Variants in TEDC1 observed in about 807,000 individuals in gnomAD.
TEDC1 encodes the protein tubulin epsilon and delta complex protein 1.
TEDC1 carries 54 observed loss-of-function variants against 59.9 expected under a neutral mutation model. The ratio of observed to expected loss-of-function variants is 0.90; its 90% CI spans 0.72 to 1.13. TEDC1 has a LOEUF of 1.13. TEDC1 is among the 50% of genes most tolerant of loss of function. The probability of loss-of-function intolerance (pLI) is 0.00; values close to 1 mark genes in which losing one functional copy is unlikely to be tolerated. For missense variants in TEDC1, 734 were observed against 683.4 expected, an observed-to-expected ratio of 1.07 and a Z score of -0.83; for synonymous variants, 353 against 298.1, an observed-to-expected ratio of 1.18 and a Z score of -1.90.
chr14:105,492,433 C>G, intron 3 of TEDC1, 124 bp downstream of exon 3: 2 of 1,480,234 alleles, frequency 1.4e-6, no homozygotes, highest in South Asian at 2.6e-5. Context: ...TGAAGGGTTA[C>G]CCAGCTGCCC....
intron 6 of TEDC1, 199 bp from the exon 7 acceptor site, chr14:105,497,158 C>T (rs1464895631): frequency 9.3e-6 from 6 of 646,186 alleles, no homozygotes; most frequent in Admixed American, 2.8e-5. Context: ...GACAGGTGGG[C>T]TGTGGCGTCC....
In TEDC1 at chr14:105,499,184, G is replaced by C. The variant is rs2084415857; in HGVS notation, c.*238G>C. Reference sequence around the variant, plus strand: ...AGGAGGTCGTGACAGGCTCAGCCTGGTGGTCTGGAGGGGACTCGGAAATAA... The same window carrying C: ...AGGAGGTCGTGACAGGCTCAGCCTGCTGGTCTGGAGGGGACTCGGAAATAA... On this transcript the variant is annotated 3_prime_UTR_variant, in exon 9 of 9. Coordinates refer to ENST00000392523, the MANE Select transcript of TEDC1 (RefSeq NM_001367178.1). The C allele has an allele frequency of 3.5e-6, 2 of 579,136 alleles. No individual in the cohort carries two copies. The highest frequency in any genetic ancestry group is 6.1e-6 in the Non-Finnish European group (2 of 327,342). The allele number at this position is 579,136 out of a possible 1,614,324, so 35.9% of individuals were successfully genotyped here.
In TEDC1 at chr14:105,497,778, T is replaced by C. The variant is rs782662004; in HGVS notation, c.979-20T>C. On this transcript the variant is annotated intron_variant, in intron 7 of 8. Coordinates refer to ENST00000392523, the MANE Select transcript of TEDC1 (RefSeq NM_001367178.1). The stretch of plus-strand genomic sequence containing the variant: ...TGTCCCCTTGGCTTGGTGCACGCTG[T>C]CTCACTTGGGTCTCTGTAGGACACG... 8 of 1,520,464 alleles carry C rather than the reference T, an allele frequency of 5.3e-6. No homozygotes were observed. Among genetic ancestry groups the C allele is most frequent in the Non-Finnish European group, 7.1e-6 (8 of 1,129,392 alleles). The allele number at this position is 1,520,464 out of a possible 1,614,324, so 94.2% of individuals were successfully genotyped here.
chr14:105,497,123 G>T, intron 6 of TEDC1: 1 of 596,132 alleles, frequency 1.7e-6, no homozygotes, highest in Non-Finnish European at 3.0e-6. Flanking sequence ...TGCACTGGTT[G>T]GGGGCTGCCC....
rs1595469021 is a variant in TEDC1, at chr14:105,491,578, A to T, written c.148-44A>T. The T allele has an allele frequency of 2.6e-6, 4 of 1,543,726 alleles. No individual in the cohort carries two copies. In the East Asian group the frequency reaches 7.4e-5, roughly 29 times the overall value. On this transcript the variant is annotated intron_variant, in intron 1 of 8. Coordinates refer to ENST00000392523, the MANE Select transcript of TEDC1 (RefSeq NM_001367178.1). ...GGTGGGGTCCCGGGCCCTCGCAGGGAGTTGGGCCGGCTCCGCTGACCGCCC... is the reference window on the plus strand; with the variant it reads ...GGTGGGGTCCCGGGCCCTCGCAGGGTGTTGGGCCGGCTCCGCTGACCGCCC...
intron 5 of TEDC1, chr14:105,494,178 C>G (rs1437076566): frequency 5.3e-6 from 3 of 566,434 alleles, no homozygotes; most frequent in Non-Finnish European, 9.5e-6. Flanking sequence ...GGTGGGGGCC[C>G]AGGACGCAGG....
rs1221935544 is a variant in TEDC1 at position 105,498,748 on chromosome 14, A to G, written c.1290A>G (p.Pro430=). The change falls in exon 9 of 9, where the codon CCA becomes CCG. Residue 430 remains proline, a synonymous_variant. Transcript: ENST00000392523. The part of the protein sequence containing the change: ...RDGGPAQPHG[P]HRLVRREDGA... ...GTGGCCCGGCCCAGCCCCATGGGCC[A>G]CACCGGCTGGTGAGACGAGAGGATG... 1.9e-6 allele frequency: 3 copies of G among 1,559,474 alleles called. No individual in the cohort carries two copies. The highest frequency in any genetic ancestry group is 2.4e-5 in the East Asian group (1 of 41,896).
In TEDC1 at chr14:105,499,215, A is replaced by G. The variant is rs1442636072; in HGVS notation, c.*269A>G. On this transcript the variant is annotated 3_prime_UTR_variant, in exon 9 of 9. Coordinates refer to ENST00000392523, the MANE Select transcript of TEDC1 (RefSeq NM_001367178.1). ...TGGAGGGGACTCGGAAATAAATTGT[A>G]GCAGCTTTCCTGCCGCTGGCCCTCC... 5 of 545,308 alleles carry G rather than the reference A, an allele frequency of 9.2e-6. No homozygotes were observed. Among genetic ancestry groups the G allele is most frequent in the African/African-American group, 3.8e-5 (2 of 52,660 alleles). The allele number at this position is 545,308 out of a possible 1,614,324, so 33.8% of individuals were successfully genotyped here. A position where few individuals can be genotyped will look rare whatever the true frequency, so the allele number is the denominator to read the frequency against.
Position 105,495,899 on chromosome 14 carries a change from C to T in TEDC1, c.704C>T (p.Ala235Val). 1.3e-6 allele frequency: 2 copies of T among 1,550,132 alleles called. No homozygotes were observed. Among genetic ancestry groups the T allele is most frequent in the Non-Finnish European group, 1.7e-6 (2 of 1,146,856 alleles). Residue 235 changes from alanine to valine, a missense_variant, in exon 6 of 9, where the codon GCC (alanine) becomes GTC (valine). Transcript: ENST00000392523. Reference sequence around the variant, plus strand: ...TCCAAGGTTTCTGGAGCGGGAGCTGCCCAAAACCTGGACCTGGCCTACCCA... The same window carrying T: ...TCCAAGGTTTCTGGAGCGGGAGCTGTCCAAAACCTGGACCTGGCCTACCCA... ...GGQQVSGAGAAQNLDLAYPKC... is the reference protein window; with the variant it reads ...GGQQVSGAGAVQNLDLAYPKC...
intron 6 of TEDC1, 60 bp downstream of exon 6, chr14:105,496,146 G>GTGGGGGGGGGGGGGGGGGGCCCCCCCC: frequency 3.0e-6 from 1 of 331,608 alleles, no homozygotes; most frequent in Non-Finnish European, 5.9e-6. Context: ...GGGTGGGAGG[G>GTGGGGGGGGGGGGGGGGGGCCCCCCCC]GGTGGCGAGG....
chr14:105,498,969 G>A lies in TEDC1; in HGVS notation c.*23G>A, dbSNP rs1555441184. The A allele has an allele frequency of 2.5e-6, 4 of 1,577,628 alleles. No individual in the cohort carries two copies. Among genetic ancestry groups the A allele is most frequent in the South Asian group, 1.2e-5 (1 of 86,208 alleles). ...TGAGGGCCTGTCGACGGGCCCTCGT[G>A]TGGGAAGCCTGCCCTGGCCCAGCCT... On this transcript the variant is annotated 3_prime_UTR_variant, in exon 9 of 9. Coordinates refer to ENST00000392523, the MANE Select transcript of TEDC1 (RefSeq NM_001367178.1).
At chr14:105,490,749 C>T (rs927589465), upstream of TEDC1, 50 of 462,062 alleles carry the variant, frequency 1.1e-4, no homozygotes, top group African/African-American at 1.0e-3. Context: ...CTCTGGGCGC[C>T]TCCTGGCGGC....
At chr14:105,493,091 G>A (rs1555439828) in intron 4 of TEDC1, among the ~76,000 whole-genome samples, 1 of 152,178 alleles carries the variant, frequency 6.6e-6, no homozygotes. Context: ...GGGGGAGGAA[G>A]ACAGCTCCTG....
At chr14:105,493,693 G>A in intron 4 of TEDC1, 142 bp from the exon 5 acceptor site, 1 of 646,594 alleles carries the variant, frequency 1.5e-6, no homozygotes, top group South Asian at 1.8e-5. Flanking sequence ...CCAACCTCAG[G>A]CAAGGAGTGG....
In TEDC1 at chr14:105,499,041, A is replaced by G. The variant is rs2084412548; in HGVS notation, c.*95A>G. On this transcript the variant is annotated 3_prime_UTR_variant, in exon 9 of 9. Transcript: ENST00000392523. ...ATTCCAAGGCCAGGTGGCCGCAGGG[A>G]CGATGCAGATGCAGAGCCCACGTCA... is the stretch of plus-strand genomic sequence containing the variant. 5 of 1,335,056 alleles carry G rather than the reference A, an allele frequency of 3.7e-6. No homozygotes were observed. In the South Asian group the frequency reaches 5.8e-5, roughly 16 times the overall value. The allele number at this position is 1,335,056 out of a possible 1,614,324, so 82.7% of individuals were successfully genotyped here.
In TEDC1 at chr14:105,492,317, T is replaced by C. The variant is rs782701617; in HGVS notation, c.429+8T>C. The C allele has an allele frequency of 3.7e-6, 6 of 1,600,412 alleles. No individual in the cohort carries two copies. Among genetic ancestry groups the C allele is most frequent in the Middle Eastern group, 2.1e-4 (1 of 4,666 alleles). ...GAGATGACTGTGTGCCAGGTGCGTG[T>C]GGGTGAGGGTGAGCTGAGCCAGCCC... On this transcript the variant is annotated splice_region_variant and intron_variant, in intron 3 of 8. Coordinates refer to ENST00000392523, the MANE Select transcript of TEDC1 (RefSeq NM_001367178.1).
intron 8 of TEDC1, 23 bp from the exon 9 acceptor site, chr14:105,498,594 C>T: frequency 6.6e-7 from 1 of 1,514,340 alleles, no homozygotes. Flanking sequence ...GGGACAGAGC[C>T]ATTGCCATTG....
chr14:105,491,800 G>A, intron 2 of TEDC1, 100 bp downstream of exon 2: 1 of 1,343,508 alleles, frequency 7.4e-7, no homozygotes, highest in South Asian at 1.3e-5. Context: ...GCAGGCTCTA[G>A]CCCCCACCCA....
intron 7 of TEDC1, 35 bp downstream of exon 7, chr14:105,497,478 C>G (rs1428773447): frequency 6.5e-7 from 1 of 1,535,356 alleles, no homozygotes. Context: ...CCCGGCATCC[C>G]TTCCCACAGC....
Sources: allele counts gnomAD v4.1 joint callset (sites outside exome capture counted in the v4.1 genomes callset), GRCh38; gene constraint gnomAD v4.1.1; transcripts MANE v1.5; gene names NCBI Gene and HGNC (gene_info 2026-07-23, HGNC 2026-07-21).